The following ACTR3C variants were observed in gnomAD, a reference collection of about 807,000 sequenced individuals.
The protein encoded by ACTR3C is actin-related protein 3C.
In ACTR3C, 18 loss-of-function variants were observed where a neutral mutation model predicts 26.3. The ratio of observed to expected loss-of-function variants is 0.68; its 90% confidence interval spans 0.47 to 1.01. The LOEUF is 1.01. ACTR3C is among the 50% of genes least tolerant of loss of function. The pLI is 0.00. For missense variants in ACTR3C, 184 were observed against 250.7 expected (o/e 0.73, Z 1.80); for synonymous variants, 55 against 94.5 (o/e 0.58, Z 2.42).
intron 1 of ACTR3C, among the ~76,000 whole-genome samples, chr7:150,316,776 G>A (rs1262784144): frequency 6.6e-6 from 1 of 152,024 alleles, no homozygotes; most frequent in African/African-American, 2.4e-5. Context: ...GAGCCACCAC[G>A]CCTGGCCAAG....
At chr7:150,041,130 G>T in the ACTR3C span, among the ~76,000 whole-genome samples, 1 of 150,478 alleles carries the variant, frequency 6.6e-6, no homozygotes, top group Non-Finnish European at 1.5e-5. Context: ...CAGGGCTGGG[G>T]CTGCCAGAAG....
intron 1 of ACTR3C, chr7:150,302,978 C>T (rs557671738): frequency 3.3e-5 from 5 of 152,366 alleles, no homozygotes; most frequent in African/African-American, 1.2e-4. Context: ...AGCTGAATCT[C>T]TCCCTTGCTA....
At chr7:150,043,077 C>T in the ACTR3C span, among the ~76,000 whole-genome samples, 1 of 151,684 alleles carries the variant, frequency 6.6e-6, no homozygotes, top group Non-Finnish European at 1.5e-5. Flanking sequence ...AATTCTCTCA[C>T]CTGCCTTCTG....
At chr7:150,315,995 C>T (rs1006098400) in intron 1 of ACTR3C, among the ~76,000 whole-genome samples, 3 of 152,132 alleles carry the variant, frequency 2.0e-5, no homozygotes, top group African/African-American at 4.8e-5. Flanking sequence ...GTCAGGAGTT[C>T]GAGACCAGCC....
At chr7:149,986,144 G>A in the ACTR3C span, among the ~76,000 whole-genome samples, 2 of 151,784 alleles carry the variant, frequency 1.3e-5, no homozygotes, top group Admixed American at 6.6e-5. Context: ...GAGAACTCCC[G>A]ACCCATTTCC....
the ACTR3C span, among the ~76,000 whole-genome samples, chr7:150,034,912 C>A: frequency 7.1e-6 from 1 of 141,650 alleles, no homozygotes; most frequent in Non-Finnish European, 1.6e-5. Context: ...CCTCCCCCAC[C>A]CTGCGATGGG....
intron 7 of ACTR3C, chr7:150,248,208 C>T (rs185633322): frequency 6.6e-6 from 1 of 152,360 alleles, no homozygotes; most frequent in African/African-American, 2.4e-5. Context: ...AGAGTAAGCC[C>T]ACTTCCACCA....
At chr7:150,271,859 C>T (rs1167613331) in intron 6 of ACTR3C, among the ~76,000 whole-genome samples, 1 of 148,310 alleles carries the variant, frequency 6.7e-6, no homozygotes, top group Non-Finnish European at 1.5e-5. Flanking sequence ...CCAAGGAAAA[C>T]CTTTCTTGTC....
the ACTR3C span, among the ~76,000 whole-genome samples, chr7:149,896,787 C>T: frequency 6.6e-5 from 10 of 151,876 alleles, no homozygotes; most frequent in Admixed American, 4.6e-4. Context: ...AGGCTGGGCG[C>T]GGTGGCTCAC....
chr7:150,106,081 C>G, the ACTR3C span, among the ~76,000 whole-genome samples: 1 of 151,972 alleles, frequency 6.6e-6, no homozygotes, highest in African/African-American at 2.4e-5. Flanking sequence ...TGAGCAACTT[C>G]TGGCAGATGT....
chr7:150,318,260 A>ATCCC (rs779240829), intron 1 of ACTR3C, among the ~76,000 whole-genome samples: 4 of 152,168 alleles, frequency 2.6e-5, no homozygotes, highest in Non-Finnish European at 5.9e-5. Flanking sequence ...CTCTGCCAAA[A>ATCCC]GACACGAGGG....
At chr7:149,887,797 A>G in the ACTR3C span, among the ~76,000 whole-genome samples, 4 of 152,144 alleles carry the variant, frequency 2.6e-5, no homozygotes, top group African/African-American at 4.8e-5. Context: ...AGGGGAGGTA[A>G]TTGAATCATG....
chr7:150,188,908 T>C, the ACTR3C span, among the ~76,000 whole-genome samples: 4 of 149,368 alleles, frequency 2.7e-5, 1 homozygote, highest in East Asian at 7.9e-4. Flanking sequence ...AAAATATGTG[T>C]ATGCATAACA....
At chr7:150,224,054 C>T in the ACTR3C span, among the ~76,000 whole-genome samples, 4 of 152,246 alleles carry the variant, frequency 2.6e-5, no homozygotes, top group African/African-American at 9.6e-5. Context: ...TCAGGGCAAG[C>T]ACTCAAGAAG....
At chr7:149,981,901 C>T in the ACTR3C span, among the ~76,000 whole-genome samples, 1 of 152,208 alleles carries the variant, frequency 6.6e-6, no homozygotes, top group Non-Finnish European at 1.5e-5. Context: ...GAACATCGGC[C>T]GATGAATAGT....
intron 1 of ACTR3C, among the ~76,000 whole-genome samples, chr7:150,320,927 CA>C (rs1797449029): frequency 6.6e-6 from 1 of 152,198 alleles, no homozygotes; most frequent in South Asian, 2.1e-4. Context: ...ACACCTCTGA[CA>C]ATACAACTCA....
Position 150,272,311 on chromosome 7 carries a change from C to G in ACTR3C, c.564+12442G>C, listed in dbSNP as rs1271961285. Among the ~76,000 whole-genome samples the G allele has an allele frequency of 2.2e-5, 3 of 139,180 alleles. 1 individual carries two copies. Among genetic ancestry groups the G allele is most frequent in the East Asian group, 2.0e-4 (1 of 4,892 alleles). 91.3% of individuals were successfully genotyped at this position (139,180 alleles called of 152,430 possible). ...CGGGATCAGGAGAGAAGAGACTGTCCCCACTTATTTTCTTAGTACCCCTTC... is the reference window on the plus strand; with the variant it reads ...CGGGATCAGGAGAGAAGAGACTGTCGCCACTTATTTTCTTAGTACCCCTTC... On this transcript the variant is annotated intron_variant, in intron 6 of 7. Transcript: ENST00000683684.
chr7:150,099,974 G>A, the ACTR3C span, among the ~76,000 whole-genome samples: 1 of 151,680 alleles, frequency 6.6e-6, no homozygotes, highest in Non-Finnish European at 1.5e-5. Flanking sequence ...AAGTATCCAG[G>A]AAACGTCAGC....
At chr7:150,006,236 G>A in the ACTR3C span, among the ~76,000 whole-genome samples, 268 of 97,248 alleles carry the variant, frequency 2.8e-3, 4 homozygotes, top group Admixed American at 0.027. Flanking sequence ...TTACTCTGTC[G>A]CCCAGGCTGG....
Sources: gnomAD v4.1 joint callset for allele counts (sites outside exome capture counted in the v4.1 genomes callset) on GRCh38, gnomAD v4.1.1 for gene constraint, MANE v1.5 for transcripts, NCBI Gene and HGNC (gene_info 2026-07-23, HGNC 2026-07-21) for gene names.